Variants in ROR1 observed in about 807,000 individuals in gnomAD.
ROR1 encodes the protein inactive tyrosine-protein kinase transmembrane receptor ROR1.
Under a neutral mutation model 78.8 loss-of-function variants are expected in ROR1, and 19 were observed. The observed-to-expected ratio is 0.24, with a 90% CI of 0.17 to 0.35. The LOEUF is 0.35. ROR1 is among the 10% of genes least tolerant of loss of function. The pLI is 1.00. For missense variants in ROR1, 917 were observed against 1,177.8 expected (o/e 0.78, Z 3.24); for synonymous variants, 386 against 433.6 (o/e 0.89, Z 1.36).
At chr1:63,965,647 T>A (rs1055022910) in intron 1 of ROR1, among the ~76,000 whole-genome samples, 1 of 152,220 alleles carries the variant, frequency 6.6e-6, no homozygotes, top group African/African-American at 2.4e-5. Flanking sequence ...TGAAAGTGTT[T>A]AAAGCATTAT....
intron 1 of ROR1, among the ~76,000 whole-genome samples, chr1:63,776,260 A>G (rs1487112244): frequency 2.6e-5 from 4 of 152,094 alleles, no homozygotes; most frequent in South Asian, 4.1e-4. Flanking sequence ...CCCTGCATTG[A>G]TTTTGCTCAC....
intron 4 of ROR1, chr1:64,110,545 C>T (rs1458098630): frequency 1.3e-5 from 2 of 151,936 alleles, no homozygotes; most frequent in Non-Finnish European, 2.9e-5. Flanking sequence ...TGCTTGCTTC[C>T]TGCCTAAAAA....
chr1:63,996,973 G>A (rs961581932), intron 1 of ROR1, among the ~76,000 whole-genome samples: 1 of 152,128 alleles, frequency 6.6e-6, no homozygotes, highest in Non-Finnish European at 1.5e-5. Context: ...CTTTGCATGT[G>A]GAGTCATGAG....
In ROR1 at chr1:63,985,037, A is replaced by G. The variant is rs147760026; in HGVS notation, c.92-24268A>G. Among the ~76,000 whole-genome samples the G allele has an allele frequency of 6.2e-4, 94 of 152,266 alleles. No individual in the cohort carries two copies. The East Asian group carries it at 0.012, about 19-fold the overall frequency. On this transcript the variant is annotated intron_variant, in intron 1 of 8. Transcript: ENST00000371079. ...TTGTGAGTTTTTGGATGGTGCTGTC[A>G]TATATATTACTACATACCCAGGGTG...
intron 1 of ROR1, among the ~76,000 whole-genome samples, chr1:63,901,789 C>T (rs1472724630): frequency 6.6e-6 from 1 of 152,018 alleles, no homozygotes; most frequent in African/African-American, 2.4e-5. Flanking sequence ...TTAATGAATA[C>T]AACTCCCTTT....
At chr1:64,100,801 G>A (rs1647499901) in intron 4 of ROR1, among the ~76,000 whole-genome samples, 6 of 152,164 alleles carry the variant, frequency 3.9e-5, no homozygotes, top group Admixed American at 3.9e-4. Context: ...TAGGAGTCAA[G>A]AGTTAGTCCT....
chr1:63,792,334 G>A (rs1278596306), intron 1 of ROR1, among the ~76,000 whole-genome samples: 3 of 152,140 alleles, frequency 2.0e-5, no homozygotes, highest in Non-Finnish European at 4.4e-5. Context: ...TTCAGGTGCC[G>A]CGACAACCCT....
intron 4 of ROR1, among the ~76,000 whole-genome samples, chr1:64,097,820 A>G (rs2100652595): frequency 6.6e-6 from 1 of 151,962 alleles, no homozygotes; most frequent in East Asian, 1.9e-4. Flanking sequence ...AAGCTCCAGA[A>G]CCTCTGGAGG....
At chr1:64,127,374 T>C (rs1301765604) in intron 4 of ROR1, among the ~76,000 whole-genome samples, 1 of 152,204 alleles carries the variant, frequency 6.6e-6, no homozygotes, top group African/African-American at 2.4e-5. Context: ...GGGTTCCTGG[T>C]ACAAGGTAGG....
intron 4 of ROR1, among the ~76,000 whole-genome samples, chr1:64,120,322 C>T (rs967340412): frequency 1.5e-4 from 23 of 152,008 alleles, no homozygotes; most frequent in Non-Finnish European, 2.8e-4. Flanking sequence ...GGAATTGCTA[C>T]GGGGAGCCTA....
At chr1:63,838,752 T>A (rs2100309967) in intron 1 of ROR1, among the ~76,000 whole-genome samples, 2 of 152,312 alleles carry the variant, frequency 1.3e-5, no homozygotes, top group Middle Eastern at 6.8e-3. Flanking sequence ...TCCTAGGCTT[T>A]CACTTTCACT....
Position 64,159,092 on chromosome 1 carries a change from G to A in ROR1, c.1286G>A (p.Arg429Gln), listed in dbSNP as rs771229553. Residue 429 changes from arginine (R) to glutamine (Q), a missense_variant, in exon 8 of 9, where the codon CGG becomes CAG. Coordinates refer to ENST00000371079, the MANE Select transcript of ROR1 (RefSeq NM_005012.4). The part of the protein sequence containing the change: ...ALLFFFICVC[R>Q]NNQKSSSAPV... Reference sequence around the variant, plus strand: ...CTCTTCTTCTTCATTTGCGTCTGTCGGAATAACCAGAAGTCATCGTCGGCA... The same window carrying A: ...CTCTTCTTCTTCATTTGCGTCTGTCAGAATAACCAGAAGTCATCGTCGGCA... The A allele has an allele frequency of 7.7e-5, 124 of 1,613,964 alleles. 1 individual carries two copies. In the Admixed American group the frequency reaches 1.1e-3, roughly 14 times the overall value.
intron 1 of ROR1, among the ~76,000 whole-genome samples, chr1:63,844,814 A>G (rs1390737466): frequency 6.6e-6 from 1 of 152,200 alleles, no homozygotes; most frequent in Non-Finnish European, 1.5e-5. Flanking sequence ...CTGAAAGAAT[A>G]TATTGCAAAT....
At chr1:63,919,915 G>A (rs762993841) in intron 1 of ROR1, among the ~76,000 whole-genome samples, 2 of 152,144 alleles carry the variant, frequency 1.3e-5, no homozygotes, top group Non-Finnish European at 2.9e-5. Flanking sequence ...TCAACTATCC[G>A]GGAAAACTAC....
chr1:63,974,528 C>T (rs976083410), intron 1 of ROR1, among the ~76,000 whole-genome samples: 1 of 152,004 alleles, frequency 6.6e-6, no homozygotes, highest in Non-Finnish European at 1.5e-5. Context: ...ATGCAACCTT[C>T]GCTTCCCAGG....
At chr1:64,066,838 A>G (rs1646959882) in intron 4 of ROR1, 1 of 152,224 alleles carries the variant, frequency 6.6e-6, no homozygotes, top group East Asian at 1.9e-4. Context: ...TCAACATGAA[A>G]TCAATATAAA....
At chr1:63,991,972 A>G (rs895978322) in intron 1 of ROR1, among the ~76,000 whole-genome samples, 6 of 152,200 alleles carry the variant, frequency 3.9e-5, no homozygotes, top group Non-Finnish European at 8.8e-5. Context: ...AGGAGAATGT[A>G]AACACCTGTA....
At chr1:63,984,349 C>T (rs1646234148) in intron 1 of ROR1, among the ~76,000 whole-genome samples, 1 of 152,110 alleles carries the variant, frequency 6.6e-6, no homozygotes, top group African/African-American at 2.4e-5. Flanking sequence ...CTGCCCTCCC[C>T]CAATAAAATA....
intron 1 of ROR1, among the ~76,000 whole-genome samples, chr1:63,795,986 C>T (rs1644757474): frequency 6.6e-6 from 1 of 152,194 alleles, no homozygotes; most frequent in Non-Finnish European, 1.5e-5. Flanking sequence ...AAACCCCCAT[C>T]AGACTAATCT....
Sources: gnomAD v4.1 joint callset for allele counts (sites outside exome capture counted in the v4.1 genomes callset) on GRCh38, gnomAD v4.1.1 for gene constraint, MANE v1.5 for transcripts, NCBI Gene and HGNC (gene_info 2026-07-23, HGNC 2026-07-21) for gene names.